The following XRCC4 variants were observed in gnomAD, a reference collection of about 807,000 sequenced individuals.
The protein encoded by XRCC4 is DNA repair protein XRCC4.
In XRCC4, 28 loss-of-function variants were observed where a neutral mutation model predicts 39.1. That is an observed-to-expected ratio of 0.72 (90% CI 0.53 to 0.98). The LOEUF (loss-of-function observed/expected upper bound fraction) is 0.98. Among genes scored for constraint, XRCC4 ranks in the 50% least tolerant of loss-of-function variants. XRCC4 has a pLI of 0.00. For missense variants in XRCC4, 350 were observed against 376.4 expected, an observed-to-expected ratio of 0.93 and a Z score of 0.58; for synonymous variants, 123 against 126.4, an observed-to-expected ratio of 0.97 and a Z score of 0.18.
chr5:83,099,270 A>C (rs1745815755), intron 1 of XRCC4, among the ~76,000 whole-genome samples: 1 of 152,178 alleles, frequency 6.6e-6, no homozygotes, highest in Admixed American at 6.5e-5. Context: ...GAGCTGCAGA[A>C]GTTTGAACAC....
At chr5:83,118,665 C>T (rs1388620666) in intron 3 of XRCC4, among the ~76,000 whole-genome samples, 3 of 152,194 alleles carry the variant, frequency 2.0e-5, no homozygotes, top group South Asian at 2.1e-4. Flanking sequence ...AATGTAGTCA[C>T]ATGGCTTCAC....
intron 6 of XRCC4, among the ~76,000 whole-genome samples, chr5:83,235,998 A>G (rs73134666): frequency 0.017 from 2,546 of 152,252 alleles, 79 homozygotes; most frequent in African/African-American, 0.058. Context: ...AATGCTAGGA[A>G]TAGACCTAAC....
chr5:83,085,700 C>T (rs981384985), intron 1 of XRCC4, among the ~76,000 whole-genome samples: 4 of 152,216 alleles, frequency 2.6e-5, no homozygotes, highest in Middle Eastern at 3.4e-3. Flanking sequence ...GAAATTGGCT[C>T]ATGATGACTT....
At chr5:83,312,025 G>A (rs1477337990) in intron 7 of XRCC4, among the ~76,000 whole-genome samples, 1 of 152,116 alleles carries the variant, frequency 6.6e-6, no homozygotes, top group African/African-American at 2.4e-5. Flanking sequence ...TGGTAAAGGG[G>A]CCTGGGAACA....
chr5:83,263,350 G>A (rs2112910027), intron 7 of XRCC4, among the ~76,000 whole-genome samples: 1 of 151,920 alleles, frequency 6.6e-6, no homozygotes, highest in Middle Eastern at 3.4e-3. Flanking sequence ...AGTCCTTTGG[G>A]TATATACCCA....
At chr5:83,158,797 T>C (rs1380999771) in intron 3 of XRCC4, among the ~76,000 whole-genome samples, 1 of 152,146 alleles carries the variant, frequency 6.6e-6, no homozygotes, top group Non-Finnish European at 1.5e-5. Flanking sequence ...AGTATGATAG[T>C]CCTAAAGAAC....
At chr5:83,299,544 C>T (rs999304243) in intron 7 of XRCC4, among the ~76,000 whole-genome samples, 7 of 152,082 alleles carry the variant, frequency 4.6e-5, no homozygotes, top group African/African-American at 1.7e-4. Flanking sequence ...GTTATATCTT[C>T]TCACTCTGTT....
At chr5:83,214,265 C>G (rs1281459940) in intron 6 of XRCC4, among the ~76,000 whole-genome samples, 1 of 151,988 alleles carries the variant, frequency 6.6e-6, no homozygotes, top group Admixed American at 6.6e-5. Context: ...GTAAAACTTC[C>G]TTTTTGCAGA....
chr5:83,345,149 C>T (rs1756880444), intron 7 of XRCC4, among the ~76,000 whole-genome samples: 1 of 152,146 alleles, frequency 6.6e-6, no homozygotes, highest in Non-Finnish European at 1.5e-5. Context: ...CGCAGTATCT[C>T]CTCACAGTTT....
At chr5:83,189,823 G>C (rs1750613929) in intron 3 of XRCC4, among the ~76,000 whole-genome samples, 1 of 152,112 alleles carries the variant, frequency 6.6e-6, no homozygotes, top group Non-Finnish European at 1.5e-5. Flanking sequence ...TCAGCACTTT[G>C]GGAGGCCAAG....
intron 7 of XRCC4, among the ~76,000 whole-genome samples, chr5:83,268,432 T>C (rs1047938100): frequency 6.6e-6 from 1 of 152,286 alleles, no homozygotes; most frequent in Non-Finnish European, 1.5e-5. Flanking sequence ...AATATATATA[T>C]TGTGATGCAT....
chr5:83,199,579 T>A (rs961661141), intron 4 of XRCC4, among the ~76,000 whole-genome samples: 2 of 152,130 alleles, frequency 1.3e-5, no homozygotes, highest in African/African-American at 4.8e-5. Context: ...ATATATCTAT[T>A]ATTTTATTTT....
chr5:83,158,740 G>T (rs1749072081), intron 3 of XRCC4, among the ~76,000 whole-genome samples: 1 of 151,990 alleles, frequency 6.6e-6, no homozygotes, highest in Admixed American at 6.6e-5. Context: ...ATGTTGCCCA[G>T]TTTTACTGTA....
intron 1 of XRCC4, among the ~76,000 whole-genome samples, chr5:83,091,164 A>G (rs1387060958): frequency 6.6e-6 from 1 of 152,142 alleles, no homozygotes; most frequent in Non-Finnish European, 1.5e-5. Flanking sequence ...GCCTGTTTTC[A>G]CACTGCTATG....
chr5:83,290,253 T>G (rs1327565487), intron 7 of XRCC4, among the ~76,000 whole-genome samples: 1 of 151,836 alleles, frequency 6.6e-6, no homozygotes, highest in Non-Finnish European at 1.5e-5. Flanking sequence ...CTTTACGTAT[T>G]GAATATCTCC....
At chr5:83,125,134 ATTTG>A (rs1018100849) in intron 3 of XRCC4, among the ~76,000 whole-genome samples, 2 of 151,946 alleles carry the variant, frequency 1.3e-5, no homozygotes, top group African/African-American at 4.8e-5. Context: ...TCTGTATCCC[ATTTG>A]TTGGTTTGTT....
intron 3 of XRCC4, among the ~76,000 whole-genome samples, chr5:83,176,853 C>T (rs1159014904): frequency 6.6e-6 from 1 of 152,128 alleles, no homozygotes; most frequent in African/African-American, 2.4e-5. Flanking sequence ...AACTTCTGAG[C>T]TCAAAACATC....
chr5:83,247,007 T>C (rs1753128501), intron 6 of XRCC4, among the ~76,000 whole-genome samples: 1 of 152,220 alleles, frequency 6.6e-6, no homozygotes, highest in African/African-American at 2.4e-5. Context: ...GTATTTGCCT[T>C]CTTTGATTGT....
At chr5:83,174,717 A>T (rs1053515333) in intron 3 of XRCC4, among the ~76,000 whole-genome samples, 1 of 152,244 alleles carries the variant, frequency 6.6e-6, no homozygotes, top group Non-Finnish European at 1.5e-5. Context: ...TCTATGTAAC[A>T]TGACTTATTT....
Sources: gnomAD v4.1 joint callset for allele counts (sites outside exome capture counted in the v4.1 genomes callset) on GRCh38, gnomAD v4.1.1 for gene constraint, MANE v1.5 for transcripts, NCBI Gene and HGNC (gene_info 2026-07-23, HGNC 2026-07-21) for gene names.